Variants in SEL1L observed in about 807,000 individuals in gnomAD.
The protein encoded by SEL1L is SEL1L adaptor subunit of SYVN1 ubiquitin ligase.
In SEL1L, 52 loss-of-function variants were observed where a neutral mutation model predicts 109.8. That is an observed-to-expected ratio of 0.47 (90% CI 0.38 to 0.60). SEL1L has a LOEUF of 0.60. Among genes scored for constraint, SEL1L ranks in the 20% least tolerant of loss-of-function variants. The pLI, the probability that SEL1L is intolerant of heterozygous loss-of-function variation, is 0.00. For missense variants in SEL1L, 749 were observed against 962.2 expected, an observed-to-expected ratio of 0.78 and a Z score of 2.93; for synonymous variants, 373 against 339.6, an observed-to-expected ratio of 1.10 and a Z score of -1.08.
At chr14:81,485,993 C>T (rs1433061071) in intron 17 of SEL1L, among the ~76,000 whole-genome samples, 1 of 152,322 alleles carries the variant, frequency 6.6e-6, no homozygotes, top group Middle Eastern at 3.4e-3. Context: ...ACTACTGAGT[C>T]ACTCTTCTAC....
At chr14:81,533,510 C>T (rs1434038100) in intron 1 of SEL1L, among the ~76,000 whole-genome samples, 165 bp downstream of exon 1, 2 of 152,206 alleles carry the variant, frequency 1.3e-5, no homozygotes, top group Non-Finnish European at 1.5e-5. Flanking sequence ...TCCTAAATAG[C>T]CCCTTTGGCG....
At chr14:81,510,205 T>C (rs897641092) in intron 3 of SEL1L, among the ~76,000 whole-genome samples, 1 of 152,142 alleles carries the variant, frequency 6.6e-6, no homozygotes, top group Non-Finnish European at 1.5e-5. Context: ...ATGTGACTAG[T>C]GGAGAAGAGT....
At chr14:81,502,496 T>C (rs559413739) in intron 6 of SEL1L, among the ~76,000 whole-genome samples, 1 of 152,222 alleles carries the variant, frequency 6.6e-6, no homozygotes, top group Non-Finnish European at 1.5e-5. Context: ...AGAGTACAAA[T>C]GTAATTGTAG....
chr14:81,504,479 TA>T (rs527803605), intron 4 of SEL1L, among the ~76,000 whole-genome samples, 173 bp from the exon 5 acceptor site: 1 of 149,894 alleles, frequency 6.7e-6, no homozygotes, highest in East Asian at 1.9e-4. Context: ...AGATAAAACT[TA>T]AAAAAAATAT....
chr14:81,497,733 GT>G (rs879570410), intron 10 of SEL1L, among the ~76,000 whole-genome samples, 158 bp downstream of exon 10: 24 of 146,316 alleles, frequency 1.6e-4, no homozygotes, highest in Non-Finnish European at 2.1e-4. Context: ...GAGACTCTTG[GT>G]TTTTTTTTTT....
At position 81,533,718 on chromosome 14, in the gene SEL1L, C is replaced by G; in HGVS notation, c.27G>C (p.Leu9=). The change falls in exon 1 of 21, where the codon CTG becomes CTC. Residue 9 remains leucine (L), a synonymous_variant. Coordinates refer to ENST00000336735, the MANE Select transcript of SEL1L (RefSeq NM_005065.6). ...AGCTCAGCAGCACCGCACACAGCAG[C>G]AGCGTCAGCCCTATCCGGACCCGCA... MRVRIGLT[L]LLCAVLLSLA... is the part of the protein sequence containing the mutation. 1 of 1,613,616 alleles carries G rather than the reference C, an allele frequency of 6.2e-7. No individual in the cohort carries two copies. The highest frequency in any genetic ancestry group is 8.5e-7 in the Non-Finnish European group (1 of 1,179,878).
chr14:81,518,644 G>A (rs1884793952), intron 3 of SEL1L, among the ~76,000 whole-genome samples: 1 of 129,502 alleles, frequency 7.7e-6, no homozygotes, highest in African/African-American at 3.0e-5. Context: ...TGGGGGACAA[G>A]AGCGAGACTT....
Position 81,533,759 on chromosome 14 carries a change from C to T in SEL1L, c.-15G>A, listed in dbSNP as rs1235712404. 6.2e-7 allele frequency: 1 copy of T among 1,611,940 alleles called. No individual in the cohort carries two copies. The highest frequency in any genetic ancestry group is 8.5e-7 in the Non-Finnish European group (1 of 1,179,220). ...CGGACCCGCATCCTCCTCTCGGGGC[C>T]GGTGCCAACCCCTAGAGCTGTCGCC... On this transcript the variant is annotated 5_prime_UTR_variant, in exon 1 of 21. Coordinates refer to ENST00000336735, the MANE Select transcript of SEL1L (RefSeq NM_005065.6).
intron 19 of SEL1L, among the ~76,000 whole-genome samples, chr14:81,480,317 G>A (rs1204706939): frequency 1.3e-5 from 2 of 152,136 alleles, no homozygotes; most frequent in African/African-American, 4.8e-5. Context: ...AGCTTCCCGA[G>A]TAGCTGGGAC....
At chr14:81,484,458 C>T in intron 18 of SEL1L, 61 bp from the exon 19 acceptor site, 1 of 1,445,326 alleles carries the variant, frequency 6.9e-7, no homozygotes, top group Non-Finnish European at 9.4e-7. Flanking sequence ...ACAGATCAAA[C>T]TTTTTTCTCC....
intron 16 of SEL1L, among the ~76,000 whole-genome samples, chr14:81,486,661 C>CAGTACACAATTGT (rs1219657268): frequency 1.3e-5 from 2 of 150,118 alleles, no homozygotes; most frequent in African/African-American, 4.9e-5. Context: ...AAAAAAAAAA[C>CAGTACACAATTGT]AGTACACAAT....
intron 19 of SEL1L, among the ~76,000 whole-genome samples, chr14:81,481,876 C>G (rs1903367837): frequency 6.6e-6 from 1 of 151,880 alleles, no homozygotes; most frequent in East Asian, 1.9e-4. Context: ...ACTAAAAATA[C>G]AAAAATTAGC....
chr14:81,510,472 A>ATCTCTCTCTCTCTCTCTCTC (rs374089460), intron 3 of SEL1L, among the ~76,000 whole-genome samples: 1 of 118,884 alleles, frequency 8.4e-6, no homozygotes, highest in African/African-American at 3.2e-5. Flanking sequence ...TAGAATGCTG[A>ATCTCTCTCTCTCTCTCTCTC]TCTCTCTCTC....
chr14:81,526,267 A>G (rs758849540), intron 3 of SEL1L, among the ~76,000 whole-genome samples: 53 of 152,330 alleles, frequency 3.5e-4, no homozygotes, highest in Non-Finnish European at 7.2e-4. Flanking sequence ...ATGGAAGTAC[A>G]CACAAGCGTC....
intron 3 of SEL1L, among the ~76,000 whole-genome samples, chr14:81,520,115 A>G (rs1357594114): frequency 2.0e-5 from 3 of 152,226 alleles, no homozygotes; most frequent in African/African-American, 7.2e-5. Flanking sequence ...TAACTGTCAC[A>G]TAACCCAGTT....
intron 3 of SEL1L, 138 bp downstream of exon 3, chr14:81,526,595 C>A (rs555553441): frequency 1.3e-5 from 9 of 670,962 alleles, no homozygotes; most frequent in African/African-American, 7.4e-5. Context: ...TCTAGAAATT[C>A]TCTCCAAACT....
chr14:81,503,435 G>A (rs1884101465), intron 5 of SEL1L, among the ~76,000 whole-genome samples: 1 of 151,810 alleles, frequency 6.6e-6, no homozygotes, highest in Non-Finnish European at 1.5e-5. Context: ...TACCTTCCAA[G>A]TTCAAGTGAT....
intron 3 of SEL1L, among the ~76,000 whole-genome samples, chr14:81,526,249 A>G (rs1362987290): frequency 1.3e-5 from 2 of 152,206 alleles, no homozygotes; most frequent in Non-Finnish European, 2.9e-5. Flanking sequence ...TGTGAAAGTT[A>G]GAATAGGATG....
At chr14:81,492,677 C>T in intron 11 of SEL1L, 129 bp from the exon 12 acceptor site, 1 of 597,608 alleles carries the variant, frequency 1.7e-6, no homozygotes, top group Non-Finnish European at 2.9e-6. Context: ...AACAAGAATA[C>T]CCAGTTGCCA....
Sources: allele counts gnomAD v4.1 joint callset (sites outside exome capture counted in the v4.1 genomes callset), GRCh38; gene constraint gnomAD v4.1.1; transcripts MANE v1.5; gene names NCBI Gene and HGNC (gene_info 2026-07-23, HGNC 2026-07-21).